MDGA2: variants seen among roughly 807,000 people sequenced by gnomAD.
MDGA2 encodes the protein MAM domain-containing glycosylphosphatidylinositol anchor protein 2.
A neutral mutation model predicts 117.8 loss-of-function variants in MDGA2; 40 were observed. The observed-to-expected ratio is 0.34, with a 90% CI of 0.26 to 0.44. MDGA2 has a LOEUF of 0.44. Among genes scored for constraint, MDGA2 ranks in the 20% least tolerant of loss-of-function variants. The probability of loss-of-function intolerance (pLI) is 1.00; values close to 1 mark genes in which losing one functional copy is unlikely to be tolerated. For missense variants in MDGA2, 1,123 were observed against 1,250.6 expected (o/e 0.90, Z 1.54); for synonymous variants, 452 against 439.0 (o/e 1.03, Z -0.37).
At chr14:47,614,177 C>A (rs375375618) in intron 1 of MDGA2, among the ~76,000 whole-genome samples, 8 of 149,064 alleles carry the variant, frequency 5.4e-5, no homozygotes, top group African/African-American at 2.0e-4. Context: ...GCAACCTCTG[C>A]CTCCTGGGTT....
intron 8 of MDGA2, among the ~76,000 whole-genome samples, chr14:47,034,250 A>T (rs913202717): frequency 3.3e-5 from 5 of 152,214 alleles, no homozygotes; most frequent in African/African-American, 1.2e-4. Flanking sequence ...TTGACCATTA[A>T]GTGTGTGGAT....
rs1555336468 is a variant in MDGA2, at chr14:47,613,479, TCA to T, written c.280+61036_280+61037del. 8.4e-4 allele frequency among the ~76,000 whole-genome samples: 119 copies of T among 141,102 alleles called. 2 individuals carry two copies. Among genetic ancestry groups the T allele is most frequent in the Admixed American group, 4.6e-3 (65 of 14,052 alleles). 92.6% of individuals were successfully genotyped at this position (141,102 alleles called of 152,430 possible). A position where few individuals can be genotyped will look rare whatever the true frequency, so the allele number is the denominator to read the frequency against. ...ATTTATCTCTCTCTCTCTCTCTCTC[TCA>T]CACACACACACACACACACACACAC... On this transcript the variant is annotated intron_variant, in intron 1 of 16. Coordinates refer to ENST00000399232, the MANE Select transcript of MDGA2 (RefSeq NM_001113498.3).
intron 1 of MDGA2, among the ~76,000 whole-genome samples, chr14:47,611,491 C>T (rs1219289808): frequency 6.6e-6 from 1 of 151,678 alleles, no homozygotes; most frequent in Non-Finnish European, 1.5e-5. Context: ...GAATCGACAA[C>T]AAACTCAAAA....
chr14:47,470,120 A>ATT (rs35293636), intron 1 of MDGA2, among the ~76,000 whole-genome samples: 48 of 148,506 alleles, frequency 3.2e-4, no homozygotes, highest in Admixed American at 4.7e-4. Context: ...ATTTATTTTT[A>ATT]TTTTTTTTTT....
chr14:47,165,003 G>A (rs1262487113), intron 3 of MDGA2, among the ~76,000 whole-genome samples: 4 of 151,736 alleles, frequency 2.6e-5, no homozygotes, highest in South Asian at 2.1e-4. Context: ...TTGCAAGGAC[G>A]AAAAACCAAA....
intron 8 of MDGA2, among the ~76,000 whole-genome samples, chr14:46,999,150 C>T (rs780102271): frequency 4.6e-5 from 7 of 151,254 alleles, no homozygotes; most frequent in South Asian, 2.1e-4. Flanking sequence ...CCTTAAAATA[C>T]GATTTAAGTA....
At chr14:47,033,817 A>C (rs1392074161) in intron 8 of MDGA2, among the ~76,000 whole-genome samples, 2 of 152,156 alleles carry the variant, frequency 1.3e-5, no homozygotes, top group African/African-American at 4.8e-5. Context: ...GTTAAGCAGC[A>C]CCCAGAACCT....
At chr14:47,163,527 G>A (rs12894624) in intron 3 of MDGA2, among the ~76,000 whole-genome samples, 3,355 of 152,044 alleles carry the variant, frequency 0.022, 46 homozygotes, top group Non-Finnish European at 0.032. Context: ...TTTGCCTGCC[G>A]CCATCCATGC....
intron 1 of MDGA2, among the ~76,000 whole-genome samples, chr14:47,472,309 T>C (rs766623297): frequency 6.6e-6 from 1 of 152,184 alleles, no homozygotes; most frequent in Non-Finnish European, 1.5e-5. Context: ...TCATGGACTA[T>C]ACTTACACAA....
chr14:47,252,554 G>T (rs1435053704), intron 2 of MDGA2, among the ~76,000 whole-genome samples: 17 of 152,062 alleles, frequency 1.1e-4, no homozygotes, highest in Admixed American at 1.1e-3. Flanking sequence ...TTAAAAAATT[G>T]AATCTGTTAA....
intron 5 of MDGA2, among the ~76,000 whole-genome samples, chr14:47,113,705 A>G (rs577172648): frequency 6.6e-6 from 1 of 152,282 alleles, no homozygotes; most frequent in African/African-American, 2.4e-5. Context: ...AAAATTCAAC[A>G]TCCCTTCATG....
intron 1 of MDGA2, among the ~76,000 whole-genome samples, chr14:47,359,910 C>CAAAAGAGA (rs1038616593): frequency 5.3e-4 from 80 of 151,908 alleles, no homozygotes; most frequent in African/African-American, 1.8e-3. Flanking sequence ...TTCTGCACAT[C>CAAAAGAGA]AAAAGAGACA....
chr14:46,885,329 CAT>C (rs1882632497), intron 10 of MDGA2, among the ~76,000 whole-genome samples: 2 of 152,250 alleles, frequency 1.3e-5, no homozygotes, highest in South Asian at 4.1e-4. Flanking sequence ...ATATTATACA[CAT>C]GTTAATATAC....
chr14:47,053,024 G>A (rs1203658212), intron 7 of MDGA2, among the ~76,000 whole-genome samples: 9 of 151,964 alleles, frequency 5.9e-5, no homozygotes, highest in Middle Eastern at 6.8e-3. Context: ...CAATATTATG[G>A]TTTCTGGGAC....
intron 1 of MDGA2, among the ~76,000 whole-genome samples, chr14:47,336,012 T>C (rs1468298018): frequency 4.0e-5 from 6 of 151,426 alleles, no homozygotes. Context: ...AGTGGAGCAA[T>C]AAACCAAGCA....
intron 1 of MDGA2, among the ~76,000 whole-genome samples, chr14:47,597,604 A>G (rs1461933377): frequency 6.6e-6 from 1 of 152,060 alleles, no homozygotes; most frequent in Non-Finnish European, 1.5e-5. Context: ...TTTTATATTC[A>G]TTGCTTATGA....
At chr14:47,208,276 A>G (rs1040993745) in intron 3 of MDGA2, among the ~76,000 whole-genome samples, 1 of 152,046 alleles carries the variant, frequency 6.6e-6, no homozygotes, top group Non-Finnish European at 1.5e-5. Context: ...GGTTTCCTTG[A>G]AACTGTTATA....
At chr14:47,093,538 T>C (rs1879791741) in intron 6 of MDGA2, among the ~76,000 whole-genome samples, 1 of 152,054 alleles carries the variant, frequency 6.6e-6, no homozygotes, top group Non-Finnish European at 1.5e-5. Flanking sequence ...TTCAGGTGTA[T>C]TAGGCAACTG....
chr14:47,382,609 A>G (rs559794399), intron 1 of MDGA2, among the ~76,000 whole-genome samples: 42 of 152,388 alleles, frequency 2.8e-4, no homozygotes, highest in Non-Finnish European at 5.7e-4. Context: ...AAAAATGTTC[A>G]TCATCACTGG....
Sources: gnomAD v4.1 joint callset for allele counts (sites outside exome capture counted in the v4.1 genomes callset) on GRCh38, gnomAD v4.1.1 for gene constraint, MANE v1.5 for transcripts, NCBI Gene and HGNC (gene_info 2026-07-23, HGNC 2026-07-21) for gene names.